The following ANO3 variants were observed in gnomAD, a reference collection of about 807,000 sequenced individuals.
The protein encoded by ANO3 is anoctamin 3, also known as anoctamin-3.
Under a neutral mutation model 144.8 loss-of-function variants are expected in ANO3, and 99 were observed. The observed-to-expected ratio is 0.68, with a 90% CI of 0.58 to 0.81. ANO3 has a LOEUF of 0.81. Ranked by LOEUF, ANO3 falls within the 30% of genes least tolerant of loss-of-function variation. ANO3 has a pLI of 0.00. For missense variants in ANO3, 905 were observed against 1,202.2 expected, an observed-to-expected ratio of 0.75 and a Z score of 3.66; for synonymous variants, 414 against 392.6, an observed-to-expected ratio of 1.05 and a Z score of -0.64.
intron 1 of ANO3, among the ~76,000 whole-genome samples, chr11:26,336,447 T>C (rs1379014849): frequency 6.6e-6 from 1 of 152,254 alleles, no homozygotes; most frequent in Non-Finnish European, 1.5e-5. Context: ...ACTACTCACA[T>C]AACTCATTTA....
chr11:26,595,331 C>T (rs80088573), intron 14 of ANO3, among the ~76,000 whole-genome samples: 23,447 of 151,972 alleles, frequency 0.15, 2,073 homozygotes, highest in East Asian at 0.33. Context: ...TAGAGCTGGG[C>T]TGGATTCCTG....
At chr11:26,659,031 G>A (rs1367907623) in intron 26 of ANO3, among the ~76,000 whole-genome samples, 2 of 151,800 alleles carry the variant, frequency 1.3e-5, no homozygotes, top group East Asian at 3.9e-4. Context: ...AATAACAGGA[G>A]GTAATATTTA....
chr11:26,598,880 A>T lies in ANO3; in HGVS notation c.1553A>T (p.Glu518Val). The stretch of plus-strand genomic sequence containing the variant: ...TAGGAAACACTTCGTCCCCAGTTTG[A>T]AGCCAAGTATTACAAGATGGAGATT... Reference protein sequence around the residue: ...EEEETLRPQFEAKYYKMEIVN... With the variant: ...EEEETLRPQFVAKYYKMEIVN... Residue 518 changes from glutamate to valine, a missense_variant, in exon 16 of 27, where the codon GAA becomes GTA. Physicochemically the swap from Glu to Val is moderately radical, Grantham distance 121 (BLOSUM62 -2). Transcript: ENST00000256737. 6.2e-7 allele frequency: 1 copy of T among 1,613,694 alleles called. No individual in the cohort carries two copies.
chr11:26,247,978 G>A lies in ANO3; in HGVS notation c.154+58648G>A, dbSNP rs530682756. On this transcript the variant is annotated intron_variant, in intron 1 of 27. Coordinates refer to the ANO3 transcript ENST00000672621. ...AAGCTCTTGACCTCGTGATCCGCCC[G>A]CCTCGGCCTCCCAAAGTCCTCTGAT... Among the ~76,000 whole-genome samples, 252 of 150,436 alleles carry A rather than the reference G, an allele frequency of 1.7e-3. 2 individuals are homozygous for A. Among genetic ancestry groups the A allele is most frequent in the African/African-American group, 5.6e-3 (232 of 41,164 alleles).
intron 14 of ANO3, among the ~76,000 whole-genome samples, chr11:26,593,223 A>T (rs1457552288): frequency 6.6e-6 from 1 of 152,200 alleles, no homozygotes; most frequent in African/African-American, 2.4e-5. Flanking sequence ...AAGCATACTT[A>T]GAGTCTGTAT....
chr11:26,333,472 C>T (rs1000903386), intron 1 of ANO3, among the ~76,000 whole-genome samples: 2 of 151,884 alleles, frequency 1.3e-5, no homozygotes, highest in South Asian at 2.1e-4. Flanking sequence ...TTAGTAGAGA[C>T]GGGGTTTCAC....
chr11:26,223,733 G>A (rs35970758), intron 1 of ANO3, among the ~76,000 whole-genome samples: 45,864 of 151,580 alleles, frequency 0.3, 7,675 homozygotes, highest in Non-Finnish European at 0.37. Context: ...GAGACCTCAG[G>A]TCGTTTTTAC....
chr11:26,560,313 T>A (rs1850237687), intron 14 of ANO3: 1 of 152,158 alleles, frequency 6.6e-6, no homozygotes, highest in African/African-American at 2.4e-5. Context: ...TTACCATGAT[T>A]CTCATTGAGT....
chr11:26,295,600 C>T (rs921769894), intron 1 of ANO3, among the ~76,000 whole-genome samples: 3 of 150,744 alleles, frequency 2.0e-5, no homozygotes, highest in South Asian at 4.2e-4. Flanking sequence ...ATACTTAAAG[C>T]TATCAAGTAG....
rs750094932 is a variant in ANO3 at position 26,624,542 on chromosome 11, A to G, written c.1873+44A>G. 6 of 1,384,884 alleles carry G rather than the reference A, an allele frequency of 4.3e-6. No individual in the cohort carries two copies. Among genetic ancestry groups the G allele is most frequent in the Admixed American group, 1.8e-5 (1 of 56,830 alleles). 85.8% of individuals were successfully genotyped at this position (1,384,884 alleles called of 1,614,324 possible). ...CTTCACTCCTTAGTCAGAAAATAAC[A>G]TATGGGCATTTCAGTCTGTAGTTAC... On this transcript the variant is annotated intron_variant, in intron 18 of 26. Coordinates refer to ENST00000256737, the MANE Select transcript of ANO3 (RefSeq NM_031418.4).
At chr11:26,540,364 C>T (rs916375371) in intron 10 of ANO3, among the ~76,000 whole-genome samples, 2 of 152,002 alleles carry the variant, frequency 1.3e-5, no homozygotes, top group African/African-American at 4.8e-5. Flanking sequence ...CAGAAAAGTC[C>T]TTCGATAAAA....
chr11:26,347,366 C>T (rs1170450644), intron 1 of ANO3, among the ~76,000 whole-genome samples: 1 of 152,176 alleles, frequency 6.6e-6, no homozygotes, highest in African/African-American at 2.4e-5. Flanking sequence ...CCAATTATGA[C>T]AAACAACAGA....
chr11:26,264,799 A>AT (rs1426733232), intron 1 of ANO3, among the ~76,000 whole-genome samples: 14 of 152,076 alleles, frequency 9.2e-5, no homozygotes, highest in African/African-American at 3.4e-4. Context: ...TTTTTATATA[A>AT]GACAATAGTC....
intron 14 of ANO3, among the ~76,000 whole-genome samples, chr11:26,596,279 C>T (rs1237308320): frequency 6.6e-6 from 1 of 152,068 alleles, no homozygotes; most frequent in Non-Finnish European, 1.5e-5. Context: ...TCTCTTTCTC[C>T]TCTCTGCCTC....
At chr11:26,596,496 C>A (rs1851632729) in intron 14 of ANO3, among the ~76,000 whole-genome samples, 4 of 152,206 alleles carry the variant, frequency 2.6e-5, no homozygotes, top group African/African-American at 9.7e-5. Flanking sequence ...TCCCACATAA[C>A]TGCCCATGTC....
chr11:26,332,100 A>AT, upstream of ANO3: 1 of 1,479,338 alleles, frequency 6.8e-7, no homozygotes, highest in Non-Finnish European at 8.9e-7. Flanking sequence ...CCGCGTTCCC[A>AT]TGACAACGAC....
At chr11:26,605,320 A>C (rs546096837) in intron 17 of ANO3, among the ~76,000 whole-genome samples, 2 of 152,250 alleles carry the variant, frequency 1.3e-5, no homozygotes, top group South Asian at 4.1e-4. Flanking sequence ...TCGGTTTGCC[A>C]ATATTTTATT....
chr11:26,563,184 A>G, intron 14 of ANO3: 1 of 1,612,568 alleles, frequency 6.2e-7, no homozygotes, highest in South Asian at 1.1e-5. Context: ...TCCACACAAC[A>G]AGTAGCCCAC....
upstream of ANO3, among the ~76,000 whole-genome samples, chr11:26,328,673 G>A (rs72876916): frequency 0.072 from 11,012 of 152,220 alleles, 514 homozygotes; most frequent in Non-Finnish European, 0.1. Context: ...ACAGGAGACA[G>A]GTTGTGAGTT....
Sources: gnomAD v4.1 joint callset for allele counts (sites outside exome capture counted in the v4.1 genomes callset) on GRCh38, gnomAD v4.1.1 for gene constraint, MANE v1.5 for transcripts, NCBI Gene and HGNC (gene_info 2026-07-23, HGNC 2026-07-21) for gene names.